Variants in TRIO observed in about 807,000 individuals in gnomAD.
TRIO encodes the protein trio Rho guanine nucleotide exchange factor, also known as triple functional domain protein.
A neutral mutation model predicts 351.9 loss-of-function variants in TRIO; 58 were observed. The ratio of observed to expected loss-of-function variants is 0.16; its 90% CI spans 0.13 to 0.21. The LOEUF (loss-of-function observed/expected upper bound fraction) is 0.21, where lower values mean the gene tolerates loss of function less well. Among genes scored for constraint, TRIO ranks in the 10% least tolerant of loss-of-function variants. TRIO has a pLI of 1.00. For synonymous variants in TRIO, 1,758 were observed against 1,595.7 expected (o/e 1.10, Z -2.42); for missense variants, 3,201 against 4,027.8 (o/e 0.79, Z 5.56).
intron 55 of TRIO, 78 bp from the exon 56 acceptor site, chr5:14,507,044 C>A: frequency 1.3e-6 from 2 of 1,483,934 alleles, no homozygotes; most frequent in South Asian, 1.5e-5. Context: ...ACAGGTCCGA[C>A]ATGTTTACTT....
chr5:14,324,343 G>A (rs1740177962), intron 9 of TRIO, among the ~76,000 whole-genome samples: 1 of 152,210 alleles, frequency 6.6e-6, no homozygotes, highest in Admixed American at 6.5e-5. Flanking sequence ...TGCGTAAGAT[G>A]TGACTTAGAA....
intron 1 of TRIO, chr5:14,183,996 T>C: frequency 1.4e-6 from 1 of 697,884 alleles, no homozygotes; most frequent in Non-Finnish European, 2.6e-6. Flanking sequence ...AATACAGTTC[T>C]TATTTTGGCT....
intron 33 of TRIO, among the ~76,000 whole-genome samples, chr5:14,418,615 C>T (rs755309159): frequency 3.9e-5 from 6 of 152,032 alleles, no homozygotes; most frequent in East Asian, 1.9e-4. Flanking sequence ...CTCTGCATTG[C>T]GGGGACAGGG....
Position 14,161,547 on chromosome 5 carries a change from G to A in TRIO, c.157+17665G>A, listed in dbSNP as rs891765483. Among the ~76,000 whole-genome samples the A allele has an allele frequency of 4.6e-5, 7 of 152,170 alleles. No individual in the cohort carries two copies. The East Asian group carries it at 1.4e-3, about 29-fold the overall frequency. ...TGCTGGGACCTCTGACCCCAGCGCC[G>A]GCCCAGAGCAGTCCCCAGGTAGAAG... On this transcript the variant is annotated intron_variant, in intron 1 of 56. Transcript: ENST00000344204.
rs573007172 is a variant in TRIO at position 14,390,417 on chromosome 5, G to A, written c.4128+117G>A. The A allele has an allele frequency of 7.4e-5, 69 of 933,762 alleles. No individual in the cohort carries two copies. The Admixed American group carries it at 1.0e-3, about 14-fold the overall frequency. 57.8% of individuals were successfully genotyped at this position (933,762 alleles called of 1,614,324 possible). ...ATCTTCTGCTCATATCCATGCTTGC[G>A]GAGAAATAGACTTTACCTCAAAGAA... On this transcript the variant is annotated intron_variant, in intron 26 of 56. Transcript: ENST00000344204.
chr5:14,437,685 C>CG (rs1751695298), intron 34 of TRIO, among the ~76,000 whole-genome samples: 1 of 124,382 alleles, frequency 8.0e-6, no homozygotes, highest in African/African-American at 3.4e-5. Context: ...GGATGAGGAC[C>CG]ACCCCCCCCG....
chr5:14,350,341 C>A (rs1742945660), intron 11 of TRIO, among the ~76,000 whole-genome samples: 1 of 152,282 alleles, frequency 6.6e-6, no homozygotes, highest in Non-Finnish European at 1.5e-5. Context: ...AAACTTGACA[C>A]CCCTGGGTAA....
intron 23 of TRIO, chr5:14,388,057 G>A: frequency 3.6e-6 from 2 of 554,026 alleles, no homozygotes; most frequent in East Asian, 2.9e-5. Flanking sequence ...TTTTATCCCT[G>A]TGCCTGTGTT....
chr5:14,500,468 G>A (rs1268710310), intron 53 of TRIO, among the ~76,000 whole-genome samples: 1 of 152,202 alleles, frequency 6.6e-6, no homozygotes, highest in Admixed American at 6.5e-5. Flanking sequence ...TGGGCTATGA[G>A]AGGGGAGTCC....
chr5:14,414,527 C>G (rs923204131), intron 33 of TRIO, among the ~76,000 whole-genome samples: 2 of 152,222 alleles, frequency 1.3e-5, no homozygotes, highest in Non-Finnish European at 1.5e-5. Context: ...TCCTCAAACA[C>G]TGTCCTCACT....
At chr5:14,403,731 T>C (rs1748419617) in intron 31 of TRIO, among the ~76,000 whole-genome samples, 1 of 112,606 alleles carries the variant, frequency 8.9e-6, no homozygotes. Flanking sequence ...GTGGTGAGGG[T>C]GCAGGTGGTG....
intron 10 of TRIO, among the ~76,000 whole-genome samples, chr5:14,331,438 A>G (rs949265359): frequency 6.6e-6 from 1 of 152,238 alleles, no homozygotes; most frequent in Non-Finnish European, 1.5e-5. Context: ...GATTTTTCTT[A>G]TAGTCAACTT....
rs1278308018 is a variant in TRIO, at chr5:14,316,671, C to T, written c.1659C>T (p.Asn553=). The T allele has an allele frequency of 1.2e-6, 2 of 1,614,228 alleles. No individual in the cohort carries two copies. Among genetic ancestry groups the T allele is most frequent in the Non-Finnish European group, 1.7e-6 (2 of 1,180,048 alleles). ...EVLHHQRQLE[N]IWQHRKVRLH... is the part of the protein sequence containing the mutation. Reference sequence around the variant, plus strand: ...TGCACCACCAGCGGCAGCTGGAGAACATCTGGCAACACCGCAAGGTCCGGC... The same window carrying T: ...TGCACCACCAGCGGCAGCTGGAGAATATCTGGCAACACCGCAAGGTCCGGC... The change falls in exon 9 of 57, where the codon AAC becomes AAT. Residue 553 remains asparagine (N), a synonymous_variant. Coordinates refer to ENST00000344204, the MANE Select transcript of TRIO (RefSeq NM_007118.4).
chr5:14,370,229 G>A (rs1013558670), intron 18 of TRIO, among the ~76,000 whole-genome samples: 4 of 151,820 alleles, frequency 2.6e-5, no homozygotes, highest in South Asian at 2.1e-4. Context: ...GGGCTTAAGC[G>A]GTCCTCCCGC....
intron 34 of TRIO, among the ~76,000 whole-genome samples, chr5:14,425,191 G>A (rs1750540453): frequency 6.6e-6 from 1 of 152,132 alleles, no homozygotes; most frequent in Non-Finnish European, 1.5e-5. Context: ...CCGTCTTACA[G>A]AACTGAACCT....
intron 9 of TRIO, among the ~76,000 whole-genome samples, chr5:14,317,372 A>T (rs1208803778): frequency 2.6e-5 from 4 of 152,228 alleles, no homozygotes; most frequent in Admixed American, 6.5e-5. Flanking sequence ...ATAAGATGAT[A>T]GCCATGTCCT....
intron 34 of TRIO, among the ~76,000 whole-genome samples, chr5:14,455,908 T>C (rs933071990): frequency 2.0e-5 from 3 of 152,074 alleles, no homozygotes; most frequent in Non-Finnish European, 4.4e-5. Context: ...CCTCAGCCCT[T>C]GGGCAGTCGA....
intron 8 of TRIO, among the ~76,000 whole-genome samples, chr5:14,307,346 T>G (rs1192465700): frequency 6.6e-6 from 1 of 152,228 alleles, no homozygotes; most frequent in African/African-American, 2.4e-5. Flanking sequence ...TGTCCAGCAA[T>G]GTGCGCTACA....
intron 1 of TRIO, among the ~76,000 whole-genome samples, chr5:14,262,227 A>AT (rs1303360662): frequency 6.6e-6 from 1 of 150,468 alleles, no homozygotes; most frequent in Non-Finnish European, 1.5e-5. Flanking sequence ...TGCGATAAGG[A>AT]TTTGGGGTGT....
Sources: gnomAD v4.1 joint callset for allele counts (sites outside exome capture counted in the v4.1 genomes callset) on GRCh38, gnomAD v4.1.1 for gene constraint, MANE v1.5 for transcripts, NCBI Gene and HGNC (gene_info 2026-07-23, HGNC 2026-07-21) for gene names.